ARPC1B: variants seen among roughly 807,000 people sequenced by gnomAD.
The protein encoded by ARPC1B is actin-related protein 2/3 complex subunit 1B.
In ARPC1B, 29 loss-of-function variants were observed where a neutral mutation model predicts 46.0. The observed-to-expected ratio is 0.63, with a 90% CI of 0.47 to 0.86. The LOEUF is 0.86. Ranked by LOEUF, ARPC1B falls within the 40% of genes least tolerant of loss-of-function variation. ARPC1B has a pLI of 0.00. For synonymous variants in ARPC1B, 201 were observed against 213.9 expected, an observed-to-expected ratio of 0.94 and a Z score of 0.53; for missense variants, 469 against 529.4, an observed-to-expected ratio of 0.89 and a Z score of 1.12.
chr7:99,382,484 A>C (rs1329589206), intron 1 of ARPC1B, among the ~76,000 whole-genome samples: 3 of 151,604 alleles, frequency 2.0e-5, no homozygotes, highest in Non-Finnish European at 4.4e-5. Context: ...GGTACTAGTT[A>C]ATACATTTTA....
chr7:99,380,074 C>T (rs1459673562), intron 1 of ARPC1B, among the ~76,000 whole-genome samples: 1 of 152,192 alleles, frequency 6.6e-6, no homozygotes, highest in Non-Finnish European at 1.5e-5. Context: ...ATGCTGTCAA[C>T]ACTGGTGGGT....
chr7:99,385,660 G>C (rs764849403), intron 1 of ARPC1B, 42 bp from the exon 2 acceptor site: 8 of 1,559,580 alleles, frequency 5.1e-6, no homozygotes. Context: ...CAGGGGCAAG[G>C]TTGGGGCTGA....
At chr7:99,381,716 A>G (rs1794230117) in intron 1 of ARPC1B, among the ~76,000 whole-genome samples, 1 of 152,224 alleles carries the variant, frequency 6.6e-6, no homozygotes, top group Admixed American at 6.5e-5. Flanking sequence ...AGGGCCTTCC[A>G]GGCAGTGAGC....
chr7:99,377,851 T>A (rs1386338374), intron 1 of ARPC1B, among the ~76,000 whole-genome samples: 1 of 151,922 alleles, frequency 6.6e-6, no homozygotes, highest in Admixed American at 6.6e-5. Context: ...CAGGCTGGTC[T>A]CAAACTCCTG....
intron 7 of ARPC1B, 147 bp from the exon 8 acceptor site, chr7:99,392,524 C>A (rs1287606487): frequency 1.4e-6 from 1 of 704,650 alleles, no homozygotes; most frequent in Non-Finnish European, 2.2e-6. Flanking sequence ...GGTTTTGATA[C>A]ACCTGCAATT....
rs1491118874 is a variant in ARPC1B, at chr7:99,394,801, A to AT, written c.*312_*313insT. ...GTGTAAAAAAAAAAAAAAAAAAAAAAGTAATTATGGACATGCTTGCCTATG... is the reference window on the plus strand; with the variant it reads ...GTGTAAAAAAAAAAAAAAAAAAAAAATGTAATTATGGACATGCTTGCCTATG... On this transcript the variant is annotated 3_prime_UTR_variant, in exon 10 of 10. Transcript: ENST00000646101. The AT allele has an allele frequency of 5.4e-5, 64 of 1,175,184 alleles. No homozygotes were observed. The African/African-American group carries it at 9.4e-4, about 17-fold the overall frequency. 72.8% of individuals were successfully genotyped at this position (1,175,184 alleles called of 1,614,324 possible).
intron 2 of ARPC1B, 155 bp from the exon 3 acceptor site, chr7:99,386,530 G>A: frequency 1.3e-6 from 1 of 749,896 alleles, no homozygotes; most frequent in Non-Finnish European, 2.4e-6. Context: ...TGGCCTAGCA[G>A]GGCCTGAAGG....
chr7:99,385,422 G>C (rs1434199918), intron 1 of ARPC1B, among the ~76,000 whole-genome samples: 1 of 151,946 alleles, frequency 6.6e-6, no homozygotes, highest in Non-Finnish European at 1.5e-5. Flanking sequence ...CTCCCCTGTA[G>C]TACCGTCTCC....
At chr7:99,382,671 A>G (rs1794263396) in intron 1 of ARPC1B, among the ~76,000 whole-genome samples, 1 of 151,972 alleles carries the variant, frequency 6.6e-6, no homozygotes, top group African/African-American at 2.4e-5. Context: ...ATAGGGTCTC[A>G]CTGTATCGCC....
Position 99,390,943 on chromosome 7 carries a change from C to G in ARPC1B, c.551C>G (p.Pro184Arg), listed in dbSNP as rs758941292. The change falls in exon 6 of 10, where the codon CCG becomes CGG. Residue 184 changes from proline (P) to arginine (R), a missense_variant. Coordinates refer to ENST00000646101, the MANE Select transcript of ARPC1B (RefSeq NM_005720.4). ...KEVEERPAPT[P>R]WGSKMPFGEL... ...GTGGAGGAACGGCCGGCACCCACCC[C>G]GTGGGGCTCCAAGATGCCCTTTGGG... The G allele has an allele frequency of 1.2e-6, 2 of 1,613,306 alleles. No homozygotes were observed. Among genetic ancestry groups the G allele is most frequent in the African/African-American group, 2.7e-5 (2 of 74,920 alleles).
chr7:99,378,863 G>A (rs10261635), intron 1 of ARPC1B, among the ~76,000 whole-genome samples: 31,505 of 136,814 alleles, frequency 0.23, 7,323 homozygotes, highest in African/African-American at 0.61. Flanking sequence ...TGCAAGCTCC[G>A]CCTTCCGGGT....
At chr7:99,387,163 C>T (rs943653322) in intron 3 of ARPC1B, among the ~76,000 whole-genome samples, 2 of 152,264 alleles carry the variant, frequency 1.3e-5, no homozygotes, top group Non-Finnish European at 2.9e-5. Context: ...CTTGCTGGGC[C>T]GGGTGCAGTG....
intron 1 of ARPC1B, chr7:99,377,339 G>C (rs1227221856): frequency 1.4e-5 from 2 of 144,452 alleles, no homozygotes; most frequent in Non-Finnish European, 3.0e-5. Context: ...TTGAGACAGT[G>C]TCTTGTTCTG....
intron 8 of ARPC1B, among the ~76,000 whole-genome samples, 190 bp downstream of exon 8, chr7:99,393,066 C>A (rs1312491059): frequency 6.6e-6 from 1 of 151,966 alleles, no homozygotes; most frequent in African/African-American, 2.4e-5. Context: ...AGCGGCGGGC[C>A]CGGACACGAG....
intron 5 of ARPC1B, among the ~76,000 whole-genome samples, chr7:99,390,224 T>G (rs1794527090): frequency 1.3e-5 from 2 of 152,198 alleles, no homozygotes; most frequent in African/African-American, 4.8e-5. Flanking sequence ...CTCTTTTATT[T>G]TTTTTGAGCT....
rs370196268 is a variant in ARPC1B, at chr7:99,394,012, C to T, written c.990-17C>T. On this transcript the variant is annotated splice_polypyrimidine_tract_variant and intron_variant, in intron 8 of 9. Transcript: ENST00000646101. ...CCAGCACAGGTTGAATTCATAAGCT[C>T]CTCTTCCTCTTTGCAGCCAGATCTC... 8.7e-6 allele frequency: 14 copies of T among 1,611,476 alleles called. No homozygotes were observed. In the African/African-American group the frequency reaches 1.7e-4, roughly 20 times the overall value.
intron 8 of ARPC1B, 66 bp from the exon 9 acceptor site, chr7:99,393,963 G>A: frequency 2.6e-6 from 4 of 1,544,950 alleles, no homozygotes; most frequent in Non-Finnish European, 3.6e-6. Flanking sequence ...GCGCCTGGTG[G>A]ACAGGGTGGG....
chr7:99,383,846 A>G (rs1463453423), intron 1 of ARPC1B, among the ~76,000 whole-genome samples: 1 of 152,212 alleles, frequency 6.6e-6, no homozygotes, highest in Admixed American at 6.5e-5. Flanking sequence ...CATCCATCAC[A>G]GGCTAAGAGT....
At chr7:99,385,815 C>T in intron 2 of ARPC1B, 37 bp downstream of exon 2, 1 of 1,584,222 alleles carries the variant, frequency 6.3e-7, no homozygotes, top group South Asian at 1.1e-5. Flanking sequence ...TGGCTGCTTC[C>T]ACCTCCTGGG....
Sources: gnomAD v4.1 joint callset for allele counts (sites outside exome capture counted in the v4.1 genomes callset) on GRCh38, gnomAD v4.1.1 for gene constraint, MANE v1.5 for transcripts, NCBI Gene and HGNC (gene_info 2026-07-23, HGNC 2026-07-21) for gene names.